TMEM232: variants seen among roughly 807,000 people sequenced by gnomAD.
The protein encoded by TMEM232 is transmembrane protein 232.
In TMEM232, 80 loss-of-function variants were observed where a neutral mutation model predicts 78.8. That is an observed-to-expected ratio of 1.01 (90% CI 0.85 to 1.22). The LOEUF (loss-of-function observed/expected upper bound fraction) is 1.22, where lower values mean the gene tolerates loss of function less well. Among genes scored for constraint, TMEM232 ranks in the 50% most tolerant of loss-of-function variants. TMEM232 has a pLI of 0.00. For synonymous variants in TMEM232, 297 were observed against 254.3 expected, an observed-to-expected ratio of 1.17 and a Z score of -1.60; for missense variants, 881 against 742.2, an observed-to-expected ratio of 1.19 and a Z score of -2.17.
rs902780707 is a variant in TMEM232 at position 110,463,132 on chromosome 5, A to C, written c.1704-38216T>G. Among the ~76,000 whole-genome samples, 9 of 152,174 alleles carry C rather than the reference A, an allele frequency of 5.9e-5. No individual in the cohort carries two copies. The East Asian group carries it at 1.7e-3, about 29-fold the overall frequency. On this transcript the variant is annotated intron_variant, in intron 12 of 13. Coordinates refer to ENST00000455884, the MANE Select transcript of TMEM232 (RefSeq NM_001039763.4). ...ATTTCAGGTTACAGAGAAATCTTTC[A>C]TTGTGGCGACTTTATTGTTGTCTTA...
chr5:110,529,944 T>A (rs1379551684), intron 11 of TMEM232, among the ~76,000 whole-genome samples: 1 of 152,252 alleles, frequency 6.6e-6, no homozygotes, highest in African/African-American at 2.4e-5. Context: ...CTGCCTTTTA[T>A]CATTTGTTTT....
Position 110,620,577 on chromosome 5 carries a change from A to ATCTCTCTATCTCTCTCTC in TMEM232, c.769-2016_769-2015insGAGAGAGAGATAGAGAGA, listed in dbSNP as rs1783510315. Among the ~76,000 whole-genome samples the ATCTCTCTATCTCTCTCTC allele has an allele frequency of 1.2e-4, 5 of 43,138 alleles. 1 individual carries two copies. The highest frequency in any genetic ancestry group is 3.7e-4 in the African/African-American group (5 of 13,594). 28.3% of individuals were successfully genotyped at this position (43,138 alleles called of 152,430 possible). A position where few individuals can be genotyped will look rare whatever the true frequency, so the allele number is the denominator to read the frequency against. ...TAGTTCCTTGTGGTATGTCTCTCATATCTCTCTCTCTCTCTCTCTCTCTCT... is the reference window on the plus strand; with the variant it reads ...TAGTTCCTTGTGGTATGTCTCTCATATCTCTCTATCTCTCTCTCTCTCTCTCTCTCTCTCTCTCTCTCT... On this transcript the variant is annotated intron_variant, in intron 7 of 13. Transcript: ENST00000455884.
At chr5:110,715,259 A>T (rs954854990) in intron 1 of TMEM232, among the ~76,000 whole-genome samples, 1 of 152,154 alleles carries the variant, frequency 6.6e-6, no homozygotes, top group African/African-American at 2.4e-5. Flanking sequence ...ATCAATAGAG[A>T]TGAAACAGTA....
chr5:110,646,249 C>T (rs1221194675), intron 2 of TMEM232, among the ~76,000 whole-genome samples: 1 of 151,580 alleles, frequency 6.6e-6, no homozygotes, highest in Non-Finnish European at 1.5e-5. Flanking sequence ...TATGGAACTA[C>T]AAAGACCTTG....
intron 11 of TMEM232, among the ~76,000 whole-genome samples, chr5:110,535,270 G>A (rs1193170812): frequency 1.3e-5 from 2 of 152,044 alleles, no homozygotes; most frequent in Non-Finnish European, 2.9e-5. Context: ...ATTATCTTGT[G>A]AAATTCCTTC....
At chr5:110,595,352 C>A (rs536668441) in intron 10 of TMEM232, among the ~76,000 whole-genome samples, 60 of 152,130 alleles carry the variant, frequency 3.9e-4, no homozygotes, top group African/African-American at 1.4e-3. Context: ...TTCTAAAAAC[C>A]AGAATGCCTT....
chr5:110,732,955 G>A (rs1186969938), intron 2 of TMEM232, among the ~76,000 whole-genome samples: 1 of 151,980 alleles, frequency 6.6e-6, no homozygotes, highest in Non-Finnish European at 1.5e-5. Context: ...GTATCTACAA[G>A]GAACTTAAAC....
chr5:110,638,552 C>T lies in TMEM232; in HGVS notation c.344-197G>A, dbSNP rs555687070. 2.6e-5 allele frequency among the ~76,000 whole-genome samples: 4 copies of T among 152,262 alleles called. No homozygotes were observed. In the East Asian group the frequency reaches 7.7e-4, roughly 29 times the overall value. On this transcript the variant is annotated intron_variant, in intron 4 of 13. Coordinates refer to ENST00000455884, the MANE Select transcript of TMEM232 (RefSeq NM_001039763.4). Reference sequence around the variant, plus strand: ...TCTTCTCCTTAAACTTGAGCAGGCCCTGTGACAGTTTCAACCAATAGAATG... The same window carrying T: ...TCTTCTCCTTAAACTTGAGCAGGCCTTGTGACAGTTTCAACCAATAGAATG...
At chr5:110,527,179 A>AT (rs1254957559) in intron 12 of TMEM232, among the ~76,000 whole-genome samples, 4 of 151,872 alleles carry the variant, frequency 2.6e-5, no homozygotes, top group East Asian at 3.8e-4. Flanking sequence ...AATTTGGAGC[A>AT]TTTTTTGTGA....
chr5:110,406,697 C>T (rs1434004453), intron 2 of TMEM232, among the ~76,000 whole-genome samples: 1 of 151,994 alleles, frequency 6.6e-6, no homozygotes, highest in African/African-American at 2.4e-5. Flanking sequence ...TACCCTATTA[C>T]TATATTTATG....
intron 1 of TMEM232, among the ~76,000 whole-genome samples, chr5:110,676,626 G>A (rs901071667): frequency 9.2e-5 from 14 of 151,870 alleles, no homozygotes; most frequent in Non-Finnish European, 1.8e-4. Flanking sequence ...TTTTCACCAT[G>A]TTGCCCAGGC....
intron 8 of TMEM232, among the ~76,000 whole-genome samples, chr5:110,614,058 T>C (rs528315150): frequency 2.0e-5 from 3 of 152,204 alleles, no homozygotes; most frequent in Non-Finnish European, 2.9e-5. Context: ...AAAGTAACTA[T>C]ATAAAACAGA....
At chr5:110,492,827 T>C (rs1333450928) in intron 12 of TMEM232, among the ~76,000 whole-genome samples, 1 of 151,970 alleles carries the variant, frequency 6.6e-6, no homozygotes, top group East Asian at 1.9e-4. Flanking sequence ...CTTTTATGCA[T>C]TTGCAACTCT....
chr5:110,710,602 A>G (rs1293938744), intron 1 of TMEM232, among the ~76,000 whole-genome samples: 1 of 152,186 alleles, frequency 6.6e-6, no homozygotes, highest in African/African-American at 2.4e-5. Context: ...ATGCAAATCA[A>G]TCAATGTGAC....
chr5:110,578,327 T>C (rs1035122318), intron 10 of TMEM232, among the ~76,000 whole-genome samples: 28 of 151,928 alleles, frequency 1.8e-4, no homozygotes, highest in Admixed American at 4.6e-4. Flanking sequence ...AAGAAGAAAA[T>C]AACAAAAATG....
At chr5:110,664,051 G>T (rs1790203704) in intron 2 of TMEM232, among the ~76,000 whole-genome samples, 1 of 151,992 alleles carries the variant, frequency 6.6e-6, no homozygotes, top group African/African-American at 2.4e-5. Flanking sequence ...GAAGCAGGAG[G>T]CTCTCTTGAG....
chr5:110,613,073 T>C (rs1782510876), intron 8 of TMEM232, among the ~76,000 whole-genome samples: 1 of 152,156 alleles, frequency 6.6e-6, no homozygotes, highest in South Asian at 2.1e-4. Flanking sequence ...AGTCCCTTTT[T>C]CTTTACTTCA....
intron 10 of TMEM232, among the ~76,000 whole-genome samples, chr5:110,580,798 C>T (rs1007347196): frequency 1.3e-5 from 2 of 151,068 alleles, no homozygotes; most frequent in African/African-American, 4.9e-5. Flanking sequence ...TCACAATGAA[C>T]GTCTTCACAA....
intron 12 of TMEM232, among the ~76,000 whole-genome samples, chr5:110,461,163 C>G (rs1580774907): frequency 1.3e-5 from 2 of 151,788 alleles, no homozygotes; most frequent in East Asian, 1.9e-4. Flanking sequence ...AAAGCTAGGT[C>G]TCTAGTACCA....
Sources: gnomAD v4.1 joint callset for allele counts (sites outside exome capture counted in the v4.1 genomes callset) on GRCh38, gnomAD v4.1.1 for gene constraint, MANE v1.5 for transcripts, NCBI Gene and HGNC (gene_info 2026-07-23, HGNC 2026-07-21) for gene names.